PHC2: variants seen among roughly 807,000 people sequenced by gnomAD.
PHC2 encodes the protein polyhomeotic-like protein 2.
Under a neutral mutation model 87.4 loss-of-function variants are expected in PHC2, and 29 were observed. The ratio of observed to expected loss-of-function variants is 0.33; its 90% CI spans 0.25 to 0.45. The LOEUF (loss-of-function observed/expected upper bound fraction) is 0.45, where lower values mean the gene tolerates loss of function less well. PHC2 is among the 20% of genes least tolerant of loss of function. The pLI is 1.00. For missense variants in PHC2, 857 were observed against 1,136.7 expected, an observed-to-expected ratio of 0.75 and a Z score of 3.54; for synonymous variants, 438 against 461.7, an observed-to-expected ratio of 0.95 and a Z score of 0.66.
rs553618303 is a variant in PHC2 at position 33,407,024 on chromosome 1, T to G, written c.-55+23952A>C. Among the ~76,000 whole-genome samples the G allele has an allele frequency of 2.6e-4, 39 of 152,368 alleles. No homozygotes were observed. In the South Asian group the frequency reaches 7.7e-3, roughly 30 times the overall value. On this transcript the variant is annotated intron_variant, in intron 1 of 14. Coordinates refer to ENST00000683057, the MANE Select transcript of PHC2 (RefSeq NM_001385109.1). ...TTTCTTCAGACTCATCTTTCAGTTCTGACCTCAGCTGTATATGATCTACTG... is the reference window on the plus strand; with the variant it reads ...TTTCTTCAGACTCATCTTTCAGTTCGGACCTCAGCTGTATATGATCTACTG...
At chr1:33,371,327 AGG>A (rs1647820302) in intron 3 of PHC2, among the ~76,000 whole-genome samples, 1 of 140,072 alleles carries the variant, frequency 7.1e-6, no homozygotes, top group African/African-American at 2.5e-5. Flanking sequence ...GAATAAGGCA[AGG>A]CATTGCCACT....
chr1:33,395,410 T>C (rs182888344), intron 1 of PHC2, among the ~76,000 whole-genome samples: 1 of 151,902 alleles, frequency 6.6e-6, no homozygotes, highest in Admixed American at 6.6e-5. Flanking sequence ...GTTTTTCAAA[T>C]TTGTGCATTT....
chr1:33,406,354 T>C (rs1261950156), intron 1 of PHC2, among the ~76,000 whole-genome samples: 1 of 152,208 alleles, frequency 6.6e-6, no homozygotes, highest in Non-Finnish European at 1.5e-5. Context: ...CATTTTTAAC[T>C]TTCTGTTTAC....
intron 9 of PHC2, chr1:33,350,226 A>G (rs1357775223): frequency 6.6e-6 from 1 of 152,180 alleles, no homozygotes; most frequent in Non-Finnish European, 1.5e-5. Context: ...CCAGTCACCG[A>G]GAGCTCAGTT....
chr1:33,414,215 A>ACACG (rs1318690593), intron 1 of PHC2, among the ~76,000 whole-genome samples: 1 of 151,460 alleles, frequency 6.6e-6, no homozygotes, highest in Non-Finnish European at 1.5e-5. Context: ...ACACACACAC[A>ACACG]CACAAGAAAG....
chr1:33,404,024 C>G lies in PHC2; in HGVS notation c.-55+26952G>C, dbSNP rs549260736. On this transcript the variant is annotated intron_variant, in intron 1 of 14. Coordinates refer to ENST00000683057, the MANE Select transcript of PHC2 (RefSeq NM_001385109.1). ...CTATGCCTATGGCTTCAATTACCAT[C>G]CATACATCAAAGATTTAGATCTTCA... 7.9e-5 allele frequency among the ~76,000 whole-genome samples: 12 copies of G among 152,318 alleles called. No individual in the cohort carries two copies. The East Asian group carries it at 2.3e-3, about 29-fold the overall frequency.
At chr1:33,396,919 G>T (rs578032087) in intron 1 of PHC2, among the ~76,000 whole-genome samples, 3 of 152,310 alleles carry the variant, frequency 2.0e-5, no homozygotes, top group Admixed American at 2.0e-4. Context: ...ACTTCCTATG[G>T]TGTTCACTTT....
intron 1 of PHC2, among the ~76,000 whole-genome samples, chr1:33,386,393 A>G (rs1648757078): frequency 6.6e-6 from 1 of 151,692 alleles, no homozygotes; most frequent in African/African-American, 2.4e-5. Context: ...GTGGGCGCCT[A>G]TAATCATCCC....
intron 14 of PHC2, chr1:33,326,041 A>C: frequency 5.6e-6 from 2 of 357,058 alleles, no homozygotes; most frequent in Non-Finnish European, 1.1e-5. Context: ...CATTTTGTAA[A>C]AATGTGGTTG....
At chr1:33,329,716 AG>A (rs1390443340) in intron 13 of PHC2, among the ~76,000 whole-genome samples, 3 of 152,136 alleles carry the variant, frequency 2.0e-5, no homozygotes, top group African/African-American at 7.2e-5. Context: ...GGCAAAACAA[AG>A]GGTGGAGGCT....
intron 9 of PHC2, chr1:33,346,223 G>C: frequency 1.2e-6 from 1 of 822,410 alleles, no homozygotes; most frequent in Non-Finnish European, 1.5e-6. Context: ...TAGGGCTGGG[G>C]ACTGGGGGGA....
At position 33,335,996 on chromosome 1, in the gene PHC2, G is replaced by GTTGTTGT. The variant is rs747951027; in HGVS notation, c.1559-1705_1559-1704insACAACAA. On this transcript the variant is annotated intron_variant, in intron 9 of 14. Coordinates refer to ENST00000683057, the MANE Select transcript of PHC2 (RefSeq NM_001385109.1). ...TGTTTTTGTTGTTGTTGTTGTTGTT[G>GTTGTTGT]TTTTTTTTTTTAGATGGAGTCTCAC... is the stretch of plus-strand genomic sequence containing the variant. 3.6e-3 allele frequency among the ~76,000 whole-genome samples: 526 copies of GTTGTTGT among 146,580 alleles called. 3 individuals are homozygous for GTTGTTGT. The highest frequency in any genetic ancestry group is 0.013 in the African/African-American group (506 of 40,380).
At chr1:33,343,298 T>TA (rs1348545513) in intron 9 of PHC2, among the ~76,000 whole-genome samples, 23 of 147,474 alleles carry the variant, frequency 1.6e-4, no homozygotes, top group Middle Eastern at 3.2e-3. Context: ...CTGTCTCTAG[T>TA]AAAAATACAA....
At chr1:33,399,256 TG>T (rs1473015750) in intron 1 of PHC2, among the ~76,000 whole-genome samples, 1 of 152,156 alleles carries the variant, frequency 6.6e-6, no homozygotes, top group Non-Finnish European at 1.5e-5. Flanking sequence ...AGAGGATGTG[TG>T]TAAGACTTCT....
chr1:33,392,105 C>T (rs1436163079), intron 1 of PHC2, among the ~76,000 whole-genome samples: 1 of 152,188 alleles, frequency 6.6e-6, no homozygotes. Context: ...GCTCTGCACA[C>T]TGTTATTCAG....
At chr1:33,395,547 T>C (rs145742096) in intron 1 of PHC2, among the ~76,000 whole-genome samples, 15 of 152,320 alleles carry the variant, frequency 9.8e-5, no homozygotes, top group Admixed American at 2.0e-4. Context: ...CTGCAATTTA[T>C]TGTGAAATGC....
intron 2 of PHC2, among the ~76,000 whole-genome samples, chr1:33,372,789 G>T (rs1195844231): frequency 1.3e-5 from 2 of 152,168 alleles, no homozygotes; most frequent in East Asian, 1.9e-4. Context: ...GAGACAGAAG[G>T]GTCTCCACCA....
chr1:33,430,474 G>C (rs143123895), intron 1 of PHC2, among the ~76,000 whole-genome samples: 5,209 of 152,070 alleles, frequency 0.034, 122 homozygotes, highest in Non-Finnish European at 0.053. Flanking sequence ...CGGGCGCCCC[G>C]GTCAGGCCCG....
chr1:33,413,745 T>C (rs1032887588), intron 1 of PHC2, among the ~76,000 whole-genome samples: 3 of 152,228 alleles, frequency 2.0e-5, no homozygotes, highest in African/African-American at 7.2e-5. Context: ...ATATAGATAA[T>C]AACAAAGTGT....
Sources: allele counts gnomAD v4.1 joint callset (sites outside exome capture counted in the v4.1 genomes callset), GRCh38; gene constraint gnomAD v4.1.1; transcripts MANE v1.5; gene names NCBI Gene and HGNC (gene_info 2026-07-23, HGNC 2026-07-21).